The following DOP1B variants were observed in gnomAD, a reference collection of about 807,000 sequenced individuals.
DOP1B encodes protein DOP1B.
A neutral mutation model predicts 233.5 loss-of-function variants in DOP1B; 174 were observed. The ratio of observed to expected loss-of-function variants is 0.75; its 90% CI spans 0.66 to 0.85. DOP1B has a LOEUF of 0.85. Among genes scored for constraint, DOP1B ranks in the 40% least tolerant of loss-of-function variants. The pLI is 0.00. For missense variants in DOP1B, 2,652 were observed against 2,846.6 expected (o/e 0.93, Z 1.56); for synonymous variants, 1,190 against 1,185.6 (o/e 1.00, Z -0.08).
rs999163390 is a variant in DOP1B at position 36,223,267 on chromosome 21, C to G, written c.1287C>G (p.Val429=). The part of the protein sequence containing the change: ...IKENRNASEI[V]KTVNLLITSL... ...AAAACAGAAATGCCTCTGAGATTGT[C>G]AAAACGGTAAATTTGCTGATAACTT... The change falls in exon 11 of 37, where the codon GTC becomes GTG. Residue 429 remains valine, a synonymous_variant. Coordinates refer to ENST00000691173, the MANE Select transcript of DOP1B (RefSeq NM_001320714.2). 6.2e-7 allele frequency: 1 copy of G among 1,608,298 alleles called. No homozygotes were observed. The highest frequency in any genetic ancestry group is 1.3e-5 in the African/African-American group (1 of 74,688).
intron 2 of DOP1B, among the ~76,000 whole-genome samples, chr21:36,196,167 A>G (rs937173489): frequency 1.3e-5 from 2 of 152,262 alleles, no homozygotes; most frequent in East Asian, 1.9e-4. Context: ...TTAGAGTATA[A>G]TGAGCAAAAA....
At chr21:36,177,742 A>G (rs2066048694) in intron 2 of DOP1B, among the ~76,000 whole-genome samples, 1 of 152,194 alleles carries the variant, frequency 6.6e-6, no homozygotes, top group Admixed American at 6.5e-5. Flanking sequence ...GCCATGTGAT[A>G]TCCCACACCA....
chr21:36,226,839 C>A (rs2066689330), intron 12 of DOP1B, among the ~76,000 whole-genome samples: 1 of 152,170 alleles, frequency 6.6e-6, no homozygotes, highest in Admixed American at 6.5e-5. Flanking sequence ...AGCAATCTCC[C>A]TGCATCAGCC....
Position 36,245,331 on chromosome 21 carries a change from C to T in DOP1B, c.3351C>T (p.Ser1117=), listed in dbSNP as rs569439616. 13 of 1,614,108 alleles carry T rather than the reference C, an allele frequency of 8.1e-6. No individual in the cohort carries two copies. Among genetic ancestry groups the T allele is most frequent in the East Asian group, 2.2e-5 (1 of 44,882 alleles). ...ACACCGAGTCTGCAGATACAAGCTC[C>T]TGCCACACGGACAGCGAGAACACGT... ...SEHTESADTS[S]CHTDSENTSS... Residue 1117 remains serine, a synonymous_variant, in exon 19 of 37, where the codon TCC becomes TCT. Transcript: ENST00000691173. This position sits in a 1 kb window ranked among gnomAD's most constrained non-coding sequence, Gnocchi z 5.5.
chr21:36,289,591 G>C (rs1351385550), intron 35 of DOP1B, among the ~76,000 whole-genome samples: 1 of 152,082 alleles, frequency 6.6e-6, no homozygotes, highest in African/African-American at 2.4e-5. Context: ...TTTGGAGCCT[G>C]CCATCTCCGA....
At position 36,281,516 on chromosome 21, in the gene DOP1B, G is replaced by A; in HGVS notation, c.6065G>A (p.Ser2022Asn). 3 of 1,608,126 alleles carry A rather than the reference G, an allele frequency of 1.9e-6. No individual in the cohort carries two copies. Among genetic ancestry groups the A allele is most frequent in the Non-Finnish European group, 1.7e-6 (2 of 1,175,090 alleles). The part of the protein sequence containing the change: ...MQSSSLKLFS[S>N]FEQKAMLLKR... ...AGCAGTTCTTTGAAACTATTCTCAA[G>A]TTTTGAACAGAAAGCCATGCTGTTA... The change falls in exon 32 of 37, where the codon AGT becomes AAT. Residue 2022 changes from serine (S) to asparagine (N), a missense_variant. Physicochemically the swap from Ser to Asn is conservative, Grantham distance 46. Around this residue, in one of 3 missense-constraint regions of DOP1B, gnomAD observed 2,617 missense variants for 2,794.3 expected, o/e 0.94. Coordinates refer to ENST00000691173, the MANE Select transcript of DOP1B (RefSeq NM_001320714.2).
At chr21:36,176,481 C>T (rs950016671) in intron 2 of DOP1B, among the ~76,000 whole-genome samples, 6 of 152,038 alleles carry the variant, frequency 3.9e-5, no homozygotes, top group African/African-American at 7.3e-5. Flanking sequence ...TCTGTTAGAG[C>T]GTGACACCTA....
At chr21:36,178,404 T>G (rs1601385717) in intron 2 of DOP1B, among the ~76,000 whole-genome samples, 1 of 145,814 alleles carries the variant, frequency 6.9e-6, no homozygotes, top group African/African-American at 2.6e-5. Context: ...GAGGCTGAGG[T>G]GGGAGGTTTG....
intron 2 of DOP1B, among the ~76,000 whole-genome samples, chr21:36,186,431 T>A (rs933007298): frequency 3.9e-5 from 6 of 151,992 alleles, no homozygotes; most frequent in African/African-American, 1.5e-4. Flanking sequence ...TGTGTGTGTA[T>A]ATGTATGGGA....
At chr21:36,253,432 C>G (rs530383066) in intron 22 of DOP1B, among the ~76,000 whole-genome samples, 1 of 152,116 alleles carries the variant, frequency 6.6e-6, no homozygotes, top group Non-Finnish European at 1.5e-5. Flanking sequence ...TAAAACAGGC[C>G]GGGCGCGGTG....
intron 2 of DOP1B, among the ~76,000 whole-genome samples, chr21:36,181,225 G>A (rs1292136009): frequency 1.3e-5 from 2 of 151,920 alleles, no homozygotes; most frequent in Non-Finnish European, 2.9e-5. Flanking sequence ...TATTCAGATG[G>A]GTGGGCAGCT....
At chr21:36,280,375 C>CA in intron 31 of DOP1B, 29 bp downstream of exon 31, 1 of 1,511,156 alleles carries the variant, frequency 6.6e-7, no homozygotes, top group South Asian at 1.2e-5. Flanking sequence ...TTGCATAACT[C>CA]ACACTTGATA....
rs200894624 is a variant in DOP1B, at chr21:36,245,215, C to T, written c.3235C>T (p.Pro1079Ser). The change falls in exon 19 of 37, where the codon CCG (proline) becomes TCG (serine). Residue 1079 changes from proline to serine, a missense_variant. Pro to Ser is a moderately conservative substitution (Grantham distance 74, BLOSUM62 -1). Around this residue, in one of 3 missense-constraint regions of DOP1B, gnomAD observed 2,617 missense variants for 2,794.3 expected, o/e 0.94. Coordinates refer to ENST00000691173, the MANE Select transcript of DOP1B (RefSeq NM_001320714.2). This position sits in a 1 kb window ranked among gnomAD's most constrained non-coding sequence, Gnocchi z 5.5. ...AEVEKEPEKY[P>S]LRGELSEEEL... ...AGTGGAGAAGGAGCCCGAGAAGTAC[C>T]CGCTGCGAGGCGAGCTGAGCGAGGA... 137 of 1,614,090 alleles carry T rather than the reference C, an allele frequency of 8.5e-5. No homozygotes were observed. Among genetic ancestry groups the T allele is most frequent in the Non-Finnish European group, 5.6e-5 (66 of 1,180,054 alleles).
chr21:36,261,468 T>C (rs2067170782), intron 24 of DOP1B: 3 of 985,776 alleles, frequency 3.0e-6, no homozygotes, highest in Non-Finnish European at 3.6e-6. Context: ...TTTGCTAAGT[T>C]AATATATGTA....
At chr21:36,204,520 T>A (rs1005313240) in intron 4 of DOP1B, among the ~76,000 whole-genome samples, 11 of 152,124 alleles carry the variant, frequency 7.2e-5, no homozygotes, top group African/African-American at 2.7e-4. Flanking sequence ...GGTCTTGCTG[T>A]GTACCCAGGC....
chr21:36,260,961 G>T, intron 24 of DOP1B: 1 of 1,279,414 alleles, frequency 7.8e-7, no homozygotes, highest in Non-Finnish European at 9.8e-7. Flanking sequence ...TTATATGAGC[G>T]AAGCTTTATG....
At chr21:36,259,700 G>A (rs2067147434) in intron 23 of DOP1B, among the ~76,000 whole-genome samples, 1 of 152,176 alleles carries the variant, frequency 6.6e-6, no homozygotes, top group Non-Finnish European at 1.5e-5. Context: ...CTCTGCAGAG[G>A]CTATGACAGC....
chr21:36,175,980 G>T (rs1290035516), intron 2 of DOP1B, among the ~76,000 whole-genome samples: 1 of 152,148 alleles, frequency 6.6e-6, no homozygotes, highest in African/African-American at 2.4e-5. Flanking sequence ...ATCTCTGGTA[G>T]AAGCCCAGAT....
chr21:36,239,133 A>T (rs189663063), intron 17 of DOP1B, among the ~76,000 whole-genome samples: 1 of 151,882 alleles, frequency 6.6e-6, no homozygotes, highest in Non-Finnish European at 1.5e-5. Context: ...CCTGCACATG[A>T]CCCCTCCGAG....
Sources: allele counts gnomAD v4.1 joint callset (sites outside exome capture counted in the v4.1 genomes callset), GRCh38; gene constraint gnomAD v4.1.1; regional missense constraint gnomAD v4.1.1; non-coding constraint Gnocchi (gnomAD v3.1); transcripts MANE v1.5; gene names NCBI Gene and HGNC (gene_info 2026-07-23, HGNC 2026-07-21).